NLRP5: variants seen among roughly 807,000 people sequenced by gnomAD.
The protein encoded by NLRP5 is NLR family pyrin domain containing 5, also known as NACHT, LRR and PYD domains-containing protein 5.
NLRP5 carries 93 observed loss-of-function variants against 113.1 expected under a neutral mutation model. The observed-to-expected ratio is 0.82, with a 90% CI of 0.70 to 0.98. The LOEUF (loss-of-function observed/expected upper bound fraction) is 0.98, where lower values mean the gene tolerates loss of function less well. NLRP5 is among the 50% of genes least tolerant of loss of function. The pLI is 0.00. For synonymous variants in NLRP5, 751 were observed against 600.7 expected, an observed-to-expected ratio of 1.25 and a Z score of -3.66; for missense variants, 1,808 against 1,514.3, an observed-to-expected ratio of 1.19 and a Z score of -3.22.
chr19:55,998,677 T>TG (rs1353658402), upstream of NLRP5, among the ~76,000 whole-genome samples: 4 of 58,300 alleles, frequency 6.9e-5, no homozygotes, highest in African/African-American at 3.0e-4. Context: ...TGTGTGTATA[T>TG]ATATATATAT....
rs751667762 is a variant in NLRP5, at chr19:56,032,758, C to T, written c.2424C>T (p.Pro808=). The change falls in exon 8 of 15, where the codon CCC becomes CCT. Residue 808 remains proline (P), a synonymous_variant. Transcript: ENST00000390649. ...CCCTGTGTGCCAAGCTGAGGCATCC[C>T]ACCTGCAAGATACAGACCCTGATGT... The T allele has an allele frequency of 3.1e-6, 5 of 1,611,608 alleles. No individual in the cohort carries two copies. The African/African-American group carries it at 4.0e-5, about 13-fold the overall frequency.
At position 55,999,760 on chromosome 19, in the gene NLRP5, C is replaced by T. The variant is rs1981557364; in HGVS notation, c.35C>T (p.Ala12Val). 2 of 1,613,458 alleles carry T rather than the reference C, an allele frequency of 1.2e-6. No homozygotes were observed. The highest frequency in any genetic ancestry group is 1.7e-6 in the Non-Finnish European group (2 of 1,179,542). The change falls in exon 1 of 15, where the codon GCT (alanine) becomes GTT (valine). Residue 12 changes from alanine to valine, a missense_variant. Transcript: ENST00000390649. ...GCAGGAGGACTTGAACTTGGAGCTG[C>T]TGCTCTGCTCTCAGCATCACCACGT...
chr19:56,046,734 C>T (rs868545418), intron 11 of NLRP5, among the ~76,000 whole-genome samples: 7 of 151,906 alleles, frequency 4.6e-5, no homozygotes, highest in South Asian at 2.1e-4. Context: ...TTAGTAGAGA[C>T]GGGGTTTCAC....
the NLRP5 span, among the ~76,000 whole-genome samples, chr19:55,994,501 G>A: frequency 1.3e-5 from 2 of 152,130 alleles, no homozygotes; most frequent in Non-Finnish European, 2.9e-5. Flanking sequence ...TAGTTCAAGC[G>A]ATTCTCCTGC....
intron 2 of NLRP5, among the ~76,000 whole-genome samples, chr19:56,004,951 A>C (rs1981796752): frequency 6.6e-6 from 1 of 151,688 alleles, no homozygotes; most frequent in African/African-American, 2.4e-5. Flanking sequence ...AAAATTAGCC[A>C]GGCGTCATGG....
intron 3 of NLRP5, among the ~76,000 whole-genome samples, chr19:56,014,049 A>G (rs959158136): frequency 6.6e-6 from 1 of 152,144 alleles, no homozygotes; most frequent in African/African-American, 2.4e-5. Context: ...GTAGAGACAT[A>G]ATTTTATATA....
At chr19:56,017,621 C>T (rs1233516302) in intron 4 of NLRP5, among the ~76,000 whole-genome samples, 1 of 152,104 alleles carries the variant, frequency 6.6e-6, no homozygotes, top group Non-Finnish European at 1.5e-5. Context: ...AGAGAGCATA[C>T]TTTGTATAAT....
chr19:56,013,596 G>GTTTGTTTTTTTTTT (rs1982287119), intron 3 of NLRP5, among the ~76,000 whole-genome samples: 1 of 59,284 alleles, frequency 1.7e-5, no homozygotes. Flanking sequence ...GGACATTTGG[G>GTTTGTTTTTTTTTT]TTTTTTTTTT....
chr19:56,006,303 A>G (rs1047339206), intron 2 of NLRP5, among the ~76,000 whole-genome samples: 1 of 152,188 alleles, frequency 6.6e-6, no homozygotes, highest in Non-Finnish European at 1.5e-5. Context: ...GAGTGATAGC[A>G]TTAGGAGATA....
chr19:56,045,833 G>A (rs1437598704), intron 11 of NLRP5, among the ~76,000 whole-genome samples: 2 of 152,144 alleles, frequency 1.3e-5, no homozygotes, highest in Non-Finnish European at 2.9e-5. Context: ...ATCAGTTAGG[G>A]TAGAGCATGT....
chr19:56,017,010 T>G (rs897900458), intron 4 of NLRP5, among the ~76,000 whole-genome samples: 2 of 152,174 alleles, frequency 1.3e-5, no homozygotes, highest in Admixed American at 1.3e-4. Context: ...GGTTTCACCG[T>G]GTTAGGCAGG....
chr19:56,021,734 C>CT (rs1261911248), intron 6 of NLRP5, among the ~76,000 whole-genome samples: 10 of 152,290 alleles, frequency 6.6e-5, no homozygotes, highest in African/African-American at 1.9e-4. Context: ...GGGAATTTGG[C>CT]TTTTTTCTCA....
intron 4 of NLRP5, among the ~76,000 whole-genome samples, chr19:56,017,434 A>G (rs777121044): frequency 2.0e-5 from 3 of 152,014 alleles, no homozygotes; most frequent in Admixed American, 6.6e-5. Flanking sequence ...ATTTTCCTTT[A>G]TGCACGGCTC....
chr19:56,045,552 C>T (rs1983690684), intron 11 of NLRP5, among the ~76,000 whole-genome samples: 1 of 151,926 alleles, frequency 6.6e-6, no homozygotes, highest in Non-Finnish European at 1.5e-5. Flanking sequence ...GTAATGCTAT[C>T]CCTCCTCCGA....
chr19:56,007,957 C>T lies in NLRP5; in HGVS notation c.443-831C>T, dbSNP rs187851893. Among the ~76,000 whole-genome samples the T allele has an allele frequency of 1.9e-4, 24 of 126,814 alleles. 3 individuals are homozygous for T. The highest frequency in any genetic ancestry group is 3.9e-3 in the Middle Eastern group (1 of 258). The allele number at this position is 126,814 out of a possible 152,430, so 83.2% of individuals were successfully genotyped here. A position where few individuals can be genotyped will look rare whatever the true frequency, so the allele number is the denominator to read the frequency against. On this transcript the variant is annotated intron_variant, in intron 2 of 14. Coordinates refer to ENST00000390649, the MANE Select transcript of NLRP5 (RefSeq NM_153447.4). ...TGTTTGAAACAGAGTCTTGCTCTGT[C>T]GCCCAGGCTGGGCTGTCGCCCAGTG...
intron 3 of NLRP5, among the ~76,000 whole-genome samples, chr19:56,009,753 C>G (rs954464795): frequency 3.9e-5 from 6 of 152,198 alleles, no homozygotes; most frequent in African/African-American, 1.4e-4. Flanking sequence ...CAGCTCCCAG[C>G]AGCCAGTGTT....
the NLRP5 span, among the ~76,000 whole-genome samples, chr19:55,993,634 CT>C: frequency 1.2e-5 from 1 of 86,882 alleles, no homozygotes; most frequent in Non-Finnish European, 2.2e-5. Context: ...CTCCTCTCCC[CT>C]ATCCTCTAAT....
At chr19:56,010,259 G>T (rs1456459641) in intron 3 of NLRP5, among the ~76,000 whole-genome samples, 1 of 152,144 alleles carries the variant, frequency 6.6e-6, no homozygotes, top group Non-Finnish European at 1.5e-5. Flanking sequence ...AGACCCAGAA[G>T]CTCAATGCAC....
chr19:55,987,844 C>T, the NLRP5 span: 1 of 1,614,048 alleles, frequency 6.2e-7, no homozygotes, highest in Non-Finnish European at 8.5e-7. Flanking sequence ...GAATAACTAG[C>T]TTCTCCCCAA....
Sources: allele counts gnomAD v4.1 joint callset (sites outside exome capture counted in the v4.1 genomes callset), GRCh38; gene constraint gnomAD v4.1.1; transcripts MANE v1.5; gene names NCBI Gene and HGNC (gene_info 2026-07-23, HGNC 2026-07-21).